KLF8: variants seen among roughly 807,000 people sequenced by gnomAD.
KLF8 encodes KLF transcription factor 8, also known as Krueppel-like factor 8.
Under a neutral mutation model 18.2 loss-of-function variants are expected in KLF8, and 10 were observed. That is an observed-to-expected ratio of 0.55 (90% CI 0.34 to 0.93). The LOEUF (loss-of-function observed/expected upper bound fraction) is 0.93. Ranked by LOEUF, KLF8 falls within the 40% of genes least tolerant of loss-of-function variation. The pLI is 0.02. For synonymous variants in KLF8, 109 were observed against 97.3 expected, an observed-to-expected ratio of 1.12 and a Z score of -0.71; for missense variants, 264 against 277.9, an observed-to-expected ratio of 0.95 and a Z score of 0.36.
the KLF8 span, among the ~76,000 whole-genome samples, chrX:56,169,537 G>A: frequency 9.0e-6 from 1 of 111,246 alleles, no homozygotes; most frequent in Non-Finnish European, 1.9e-5. Context: ...GAGAACATAA[G>A]CAGTAGTTTG....
At chrX:56,190,196 C>T in the KLF8 span, among the ~76,000 whole-genome samples, 4 of 110,763 alleles carry the variant, frequency 3.6e-5, no homozygotes, top group South Asian at 1.5e-3. Flanking sequence ...TTTTATCAGA[C>T]AAAGTAGATT....
At chrX:56,039,495 A>G in the KLF8 span, among the ~76,000 whole-genome samples, 1 of 111,713 alleles carries the variant, frequency 9.0e-6, no homozygotes, top group South Asian at 3.7e-4. Context: ...GTCTTTGTCA[A>G]GTTTGCCAAA....
At chrX:56,164,639 T>C in the KLF8 span, among the ~76,000 whole-genome samples, 9 of 105,332 alleles carry the variant, frequency 8.5e-5, no homozygotes, top group African/African-American at 2.4e-4. Flanking sequence ...GGATTTTACA[T>C]TGATCACAAT....
intron 1 of KLF8, among the ~76,000 whole-genome samples, chrX:56,234,844 A>G (rs1382741958): frequency 1.8e-5 from 2 of 112,203 alleles, no homozygotes; most frequent in Non-Finnish European, 3.8e-5. Flanking sequence ...GTGGGGAGCA[A>G]TGTCTTCAGG....
the KLF8 span, among the ~76,000 whole-genome samples, chrX:55,974,363 T>C: frequency 3.6e-5 from 4 of 111,446 alleles, no homozygotes; most frequent in African/African-American, 1.3e-4. Context: ...TGTAGAATTT[T>C]GAAAAAAAAT....
intron 2 of KLF8, among the ~76,000 whole-genome samples, chrX:56,263,652 TATC>T (rs1405589702): frequency 8.9e-6 from 1 of 111,750 alleles, no homozygotes; most frequent in East Asian, 2.8e-4. Context: ...AGACCCTTAT[TATC>T]TCTCACCTAA....
chrX:56,065,022 TTC>T, the KLF8 span, among the ~76,000 whole-genome samples: 2 of 111,771 alleles, frequency 1.8e-5, no homozygotes, highest in Non-Finnish European at 3.8e-5. Flanking sequence ...GTTTTTAGAA[TTC>T]TCTCTTTGAC....
chrX:56,237,333 G>A (rs1434496528), intron 1 of KLF8, among the ~76,000 whole-genome samples: 1 of 109,396 alleles, frequency 9.1e-6, no homozygotes, highest in Non-Finnish European at 1.9e-5. Flanking sequence ...CTTCTTCTAA[G>A]TGTTTACAAA....
the KLF8 span, among the ~76,000 whole-genome samples, chrX:55,916,567 G>GCCAGTGAATGAGGC: frequency 9.0e-6 from 1 of 111,105 alleles, no homozygotes; most frequent in African/African-American, 3.3e-5. Context: ...TGATCTAAAG[G>GCCAGTGAATGAGGC]CTGGTGAGTG....
At chrX:56,098,726 C>T in the KLF8 span, among the ~76,000 whole-genome samples, 1 of 111,018 alleles carries the variant, frequency 9.0e-6, no homozygotes, top group Non-Finnish European at 1.9e-5. Flanking sequence ...CATTGGAAGT[C>T]GTAGCCAGAG....
chrX:56,106,714 T>C, the KLF8 span, among the ~76,000 whole-genome samples: 1 of 112,221 alleles, frequency 8.9e-6, no homozygotes, highest in Non-Finnish European at 1.9e-5. Flanking sequence ...CCTACTTCTG[T>C]CAACTCATCA....
chrX:55,952,335 C>T, the KLF8 span, among the ~76,000 whole-genome samples: 1 of 112,153 alleles, frequency 8.9e-6, no homozygotes, highest in African/African-American at 3.2e-5. Flanking sequence ...CTATTGTTGC[C>T]GTAACAAGTT....
the KLF8 span, among the ~76,000 whole-genome samples, chrX:56,054,756 G>A: frequency 3.6e-5 from 4 of 111,477 alleles, no homozygotes; most frequent in Non-Finnish European, 7.5e-5. Context: ...CTTGCTTTAC[G>A]GATCAGAGTA....
chrX:56,187,387 T>C, the KLF8 span, among the ~76,000 whole-genome samples: 1 of 111,516 alleles, frequency 9.0e-6, no homozygotes, highest in East Asian at 2.8e-4. Flanking sequence ...ATCAATACCT[T>C]ACCAACCAAA....
chrX:56,171,956 C>A, the KLF8 span, among the ~76,000 whole-genome samples: 45 of 111,495 alleles, frequency 4.0e-4, no homozygotes, highest in Non-Finnish European at 7.9e-4. Flanking sequence ...ACACTATCGT[C>A]CACAATGGTT....
chrX:56,191,112 G>A, the KLF8 span, among the ~76,000 whole-genome samples: 1 of 111,316 alleles, frequency 9.0e-6, no homozygotes, highest in African/African-American at 3.3e-5. Context: ...TAAAATCAGA[G>A]ATGAAAAAGG....
chrX:56,119,745 G>A, the KLF8 span, among the ~76,000 whole-genome samples: 1 of 108,692 alleles, frequency 9.2e-6, no homozygotes, highest in South Asian at 4.0e-4. Context: ...GGGTTGTTTT[G>A]TTGTTGTTTT....
the KLF8 span, among the ~76,000 whole-genome samples, chrX:56,202,374 A>T: frequency 9.0e-6 from 1 of 111,036 alleles, no homozygotes; most frequent in Non-Finnish European, 1.9e-5. Flanking sequence ...AAAGAAGCAC[A>T]TCATGGAGAA....
chrX:56,014,817 G>GTTATTTTT, the KLF8 span: 1 of 59,370 alleles, frequency 1.7e-5, no homozygotes, highest in African/African-American at 7.2e-5. Flanking sequence ...ACAAGATCAT[G>GTTATTTTT]TTTTTTTTTT....
Sources: gnomAD v4.1 joint callset for allele counts (sites outside exome capture counted in the v4.1 genomes callset) on GRCh38, gnomAD v4.1.1 for gene constraint, MANE v1.5 for transcripts, NCBI Gene and HGNC (gene_info 2026-07-23, HGNC 2026-07-21) for gene names.